WAPL: variants seen among roughly 807,000 people sequenced by gnomAD.
WAPL encodes WAPL cohesin release factor.
WAPL carries 5 observed loss-of-function variants against 121.0 expected under a neutral mutation model. The ratio of observed to expected loss-of-function variants is 0.04; its 90% CI spans 0.02 to 0.09. WAPL has a LOEUF of 0.09. WAPL is among the 10% of genes least tolerant of loss of function. The pLI is 1.00. For missense variants in WAPL, 999 were observed against 1,410.8 expected, an observed-to-expected ratio of 0.71 and a Z score of 4.68; for synonymous variants, 480 against 481.5, an observed-to-expected ratio of 1.00 and a Z score of 0.04.
chr10:86,504,628 G>A (rs559785823), intron 2 of WAPL, among the ~76,000 whole-genome samples: 149 of 150,958 alleles, frequency 9.9e-4, no homozygotes, highest in African/African-American at 3.4e-3. Flanking sequence ...AGTGAGCCCC[G>A]TCGACAGAGC....
At chr10:86,461,412 ACT>A in intron 9 of WAPL, 125 bp from the exon 10 acceptor site, 1 of 678,436 alleles carries the variant, frequency 1.5e-6, no homozygotes, top group Non-Finnish European at 2.4e-6. Flanking sequence ...ATAAAATTGA[ACT>A]AATTTTCAAT....
intron 4 of WAPL, among the ~76,000 whole-genome samples, chr10:86,488,212 CAT>C (rs1454821159): frequency 6.6e-6 from 1 of 152,172 alleles, no homozygotes; most frequent in Non-Finnish European, 1.5e-5. Flanking sequence ...ATGAAATAGA[CAT>C]GTGTCTGTAT....
intron 17 of WAPL, among the ~76,000 whole-genome samples, chr10:86,439,451 C>G (rs1849408426): frequency 1.3e-5 from 2 of 152,146 alleles, no homozygotes; most frequent in African/African-American, 4.8e-5. Context: ...GATGAAAGCC[C>G]CTCATTAATC....
At chr10:86,474,126 G>A (rs1841598135) in intron 4 of WAPL, among the ~76,000 whole-genome samples, 153 bp from the exon 5 acceptor site, 1 of 152,184 alleles carries the variant, frequency 6.6e-6, no homozygotes, top group East Asian at 1.9e-4. Context: ...CCATTCTCAT[G>A]TCTATGGCAA....
At chr10:86,468,991 C>T (rs979058950) in intron 8 of WAPL, among the ~76,000 whole-genome samples, 7 of 152,010 alleles carry the variant, frequency 4.6e-5, no homozygotes, top group Admixed American at 3.9e-4. Flanking sequence ...GTAATCCCAG[C>T]TACTCAGGAG....
chr10:86,454,641 T>TGCCCAGCCGCCACC (rs886444163), intron 12 of WAPL, among the ~76,000 whole-genome samples: 8 of 152,330 alleles, frequency 5.3e-5, no homozygotes, highest in African/African-American at 1.7e-4. Context: ...CTGCAGCCTC[T>TGCCCAGCCGCCACC]GCCCAGCCGC....
intron 4 of WAPL, among the ~76,000 whole-genome samples, chr10:86,487,803 G>C (rs1256625403): frequency 2.0e-5 from 3 of 152,194 alleles, no homozygotes; most frequent in Non-Finnish European, 4.4e-5. Context: ...GCTGAGGCAG[G>C]AGAATGGAGT....
intron 4 of WAPL, among the ~76,000 whole-genome samples, chr10:86,493,605 C>G (rs1185030496): frequency 6.6e-6 from 1 of 152,146 alleles, no homozygotes; most frequent in African/African-American, 2.4e-5. Flanking sequence ...TCATAGCTCA[C>G]TGCAGCCTTG....
chr10:86,521,120 G>A (rs1370855921), intron 1 of WAPL, among the ~76,000 whole-genome samples: 1 of 152,210 alleles, frequency 6.6e-6, no homozygotes, highest in Admixed American at 6.5e-5. Flanking sequence ...AAAGGACTCG[G>A]GGCTGAAATC....
chr10:86,446,387 T>C lies in WAPL; in HGVS notation c.3177A>G (p.Lys1059=), dbSNP rs751709492. The change falls in exon 16 of 19, where the codon AAA becomes AAG. Residue 1059 remains lysine (K), a synonymous_variant. Coordinates refer to ENST00000298767, the MANE Select transcript of WAPL (RefSeq NM_015045.5). The part of the protein sequence containing the change: ...LAESKTDELI[K]DAPTTQHDKS... ...TATCATGCTGAGTGGTGGGAGCATC[T>C]TTGATCAACTCATCTGTTTTACTTT... is the stretch of plus-strand genomic sequence containing the variant. 3.3e-5 allele frequency: 54 copies of C among 1,614,082 alleles called. No homozygotes were observed. Among genetic ancestry groups the C allele is most frequent in the Non-Finnish European group, 4.2e-5 (50 of 1,180,044 alleles).
intron 1 of WAPL, among the ~76,000 whole-genome samples, chr10:86,520,156 G>C (rs142144158): frequency 5.3e-5 from 8 of 152,110 alleles, no homozygotes; most frequent in African/African-American, 1.4e-4. Context: ...TTAGCCGGGC[G>C]TGGTGGCGCA....
chr10:86,498,618 A>T (rs1441028602), intron 3 of WAPL, among the ~76,000 whole-genome samples: 2 of 152,214 alleles, frequency 1.3e-5, no homozygotes, highest in African/African-American at 4.8e-5. Context: ...CCAGGAAAAA[A>T]GCTTTATTTA....
intron 4 of WAPL, among the ~76,000 whole-genome samples, chr10:86,494,252 AAAC>A (rs1387339976): frequency 6.6e-6 from 1 of 152,246 alleles, no homozygotes; most frequent in African/African-American, 2.4e-5. Flanking sequence ...CTCTGTGACA[AAAC>A]AAGTATGCAT....
At position 86,500,690 on chromosome 10, in the gene WAPL, T is replaced by C; in HGVS notation, c.553A>G (p.Lys185Glu). The stretch of plus-strand genomic sequence containing the variant: ...TTCTTAGTACTGTCATCAGCATTTT[T>C]GTGAATATGGTGACTATTCTTTTCA... ...EHEKNSHHIH[K>E]NADDSTKKPN... The change falls in exon 3 of 19, where the codon AAA becomes GAA. Residue 185 changes from lysine to glutamate, a missense_variant. Coordinates refer to ENST00000298767, the MANE Select transcript of WAPL (RefSeq NM_015045.5). 6.2e-7 allele frequency: 1 copy of C among 1,600,676 alleles called. No homozygotes were observed. Among genetic ancestry groups the C allele is most frequent in the Non-Finnish European group, 8.5e-7 (1 of 1,176,618 alleles).
chr10:86,468,340 G>A (rs142376488), intron 8 of WAPL, among the ~76,000 whole-genome samples: 9 of 152,108 alleles, frequency 5.9e-5, no homozygotes, highest in South Asian at 2.1e-4. Context: ...TGGGACAACC[G>A]GCAGGCGCCA....
intron 4 of WAPL, among the ~76,000 whole-genome samples, chr10:86,491,062 T>TAAAC (rs1842036529): frequency 6.7e-6 from 1 of 148,314 alleles, no homozygotes; most frequent in South Asian, 2.1e-4. Context: ...GACTCTGTCT[T>TAAAC]AAATAAATAA....
At chr10:86,446,167 TTAAAA>T in intron 16 of WAPL, 70 bp downstream of exon 16, 1 of 1,522,104 alleles carries the variant, frequency 6.6e-7, no homozygotes, top group Non-Finnish European at 9.0e-7. Context: ...AATCTGCAAA[TTAAAA>T]TAGTTTGAAG....
chr10:86,460,370 AT>A, intron 11 of WAPL, 28 bp downstream of exon 11: 2 of 1,579,746 alleles, frequency 1.3e-6, no homozygotes, highest in Non-Finnish European at 8.7e-7. Flanking sequence ...AGACTGAATA[AT>A]TTTTGCCAAA....
At chr10:86,439,943 T>C (rs1849420575) in intron 17 of WAPL, among the ~76,000 whole-genome samples, 1 of 152,250 alleles carries the variant, frequency 6.6e-6, no homozygotes. Flanking sequence ...TGTCTATCTC[T>C]TTTCACTTAC....
Sources: allele counts gnomAD v4.1 joint callset (sites outside exome capture counted in the v4.1 genomes callset), GRCh38; gene constraint gnomAD v4.1.1; transcripts MANE v1.5; gene names NCBI Gene and HGNC (gene_info 2026-07-23, HGNC 2026-07-21).